USP31: variants seen among roughly 807,000 people sequenced by gnomAD.
USP31 encodes the protein ubiquitin carboxyl-terminal hydrolase 31.
In USP31, 44 loss-of-function variants were observed where a neutral mutation model predicts 119.4. The observed-to-expected ratio is 0.37, with a 90% confidence interval of 0.29 to 0.47. The LOEUF (loss-of-function observed/expected upper bound fraction) is 0.47, where lower values mean the gene tolerates loss of function less well. Ranked by LOEUF, USP31 falls within the 20% of genes least tolerant of loss-of-function variation. The probability of loss-of-function intolerance (pLI) is 0.99; values close to 1 mark genes in which losing one functional copy is unlikely to be tolerated. For synonymous variants in USP31, 749 were observed against 705.6 expected (o/e 1.06, Z -0.97); for missense variants, 1,643 against 1,730.2 (o/e 0.95, Z 0.89).
intron 11 of USP31, among the ~76,000 whole-genome samples, chr16:23,082,829 C>CTTTTTTTTTTTT (rs1388989158): frequency 4.9e-4 from 57 of 116,388 alleles, no homozygotes; most frequent in Middle Eastern, 9.2e-3. Context: ...TTCTTTCTCT[C>CTTTTTTTTTTTT]TCTTTTTTTT....
At position 23,067,332 on chromosome 16, in the gene USP31, T is replaced by C. The variant is rs1900113894; in HGVS notation, c.*714A>G. 6.6e-6 allele frequency: 1 copy of C among 152,640 alleles called. No homozygotes were observed. Among genetic ancestry groups the C allele is most frequent in the Non-Finnish European group, 1.5e-5 (1 of 68,024 alleles). 9.5% of individuals were successfully genotyped at this position (152,640 alleles called of 1,614,324 possible). A position where few individuals can be genotyped will look rare whatever the true frequency, so the allele number is the denominator to read the frequency against. On this transcript the variant is annotated 3_prime_UTR_variant, in exon 16 of 16. Transcript: ENST00000219689. ...GTTTTGGTGCACATGTCACCACAGATAGGAAGGTGGTGAAAGGCTTCATTT... is the reference window on the plus strand; with the variant it reads ...GTTTTGGTGCACATGTCACCACAGACAGGAAGGTGGTGAAAGGCTTCATTT...
Position 23,072,078 on chromosome 16 carries a change from C to A in USP31, c.2455G>T (p.Val819Leu), listed in dbSNP as rs1213968150. 6.2e-6 allele frequency: 10 copies of A among 1,613,616 alleles called. No homozygotes were observed. The highest frequency in any genetic ancestry group is 1.7e-6 in the Non-Finnish European group (2 of 1,179,888). ...TCACTCCTTTCTCCAGTCATCTCCACGGACTCAGAGAGCGACGCCAGGGAG... is the reference window on the plus strand; with the variant it reads ...TCACTCCTTTCTCCAGTCATCTCCAAGGACTCAGAGAGCGACGCCAGGGAG... ...RTSLASLSES[V>L]EMTGERSEDD... Residue 819 changes from valine (V) to leucine (L), a missense_variant, in exon 15 of 16, where the codon GTG becomes TTG. By Grantham distance (32) the Val-to-Leu change is conservative. Transcript: ENST00000219689.
Position 23,087,156 on chromosome 16 carries a change from C to T in USP31, c.1558G>A (p.Val520Ile), listed in dbSNP as rs1901147653. Residue 520 changes from valine to isoleucine, a missense_variant, in exon 9 of 16, where the codon GTT (valine) becomes ATT (isoleucine). Coordinates refer to ENST00000219689, the MANE Select transcript of USP31 (RefSeq NM_020718.4). The part of the protein sequence containing the change: ...VCPFSLRVVS[V>I]VGITYLLPQE... Reference sequence around the variant, plus strand: ...GGCAGCAAATATGTTATTCCAACAACACTGACCACACGCAAGCTGAATGGA... The same window carrying T: ...GGCAGCAAATATGTTATTCCAACAATACTGACCACACGCAAGCTGAATGGA... 6.2e-7 allele frequency: 1 copy of T among 1,613,788 alleles called. No individual in the cohort carries two copies. The highest frequency in any genetic ancestry group is 1.3e-5 in the African/African-American group (1 of 75,024).
intron 15 of USP31, among the ~76,000 whole-genome samples, chr16:23,071,485 A>G (rs1417346868): frequency 1.3e-5 from 2 of 152,300 alleles, no homozygotes; most frequent in African/African-American, 4.8e-5. Flanking sequence ...AAAAAAAAAA[A>G]AAGAGTTCAA....
intron 15 of USP31, among the ~76,000 whole-genome samples, chr16:23,071,649 C>CTTG (rs1185579468): frequency 1.3e-5 from 2 of 152,074 alleles, no homozygotes; most frequent in African/African-American, 4.8e-5. Context: ...CCAGGGGCCT[C>CTTG]CATGCCAAGC....
chr16:23,102,627 G>A (rs747618021), intron 5 of USP31, among the ~76,000 whole-genome samples, 164 bp from the exon 6 acceptor site: 16 of 152,252 alleles, frequency 1.1e-4, no homozygotes, highest in South Asian at 4.1e-4. Flanking sequence ...TGGAAGCACA[G>A]TACCCTCTGT....
chr16:23,105,602 T>C, intron 4 of USP31, 26 bp from the exon 5 acceptor site: 1 of 1,512,962 alleles, frequency 6.6e-7, no homozygotes, highest in Non-Finnish European at 8.9e-7. Flanking sequence ...TCAGATCTTC[T>C]CATTAGTCAC....
At chr16:23,105,070 G>A (rs1049602019) in intron 5 of USP31, among the ~76,000 whole-genome samples, 3 of 152,254 alleles carry the variant, frequency 2.0e-5, no homozygotes, top group South Asian at 2.1e-4. Context: ...GTTTTCTAGC[G>A]TCACTGCTCA....
At position 23,086,450 on chromosome 16, in the gene USP31, G is replaced by C. The variant is rs1448390031; in HGVS notation, c.1622+642C>G. 3.9e-5 allele frequency among the ~76,000 whole-genome samples: 6 copies of C among 152,034 alleles called. 1 individual carries two copies. Among genetic ancestry groups the C allele is most frequent in the Non-Finnish European group, 7.4e-5 (5 of 68,024 alleles). ...ATTAATACAATAGAGTATTATAACA[G>C]ATTTAGACAGCACAGAGGTAGCAGA... is the stretch of plus-strand genomic sequence containing the variant. On this transcript the variant is annotated intron_variant, in intron 9 of 15. Transcript: ENST00000219689.
chr16:23,106,074 G>A, intron 4 of USP31, 139 bp downstream of exon 4: 1 of 976,244 alleles, frequency 1.0e-6, no homozygotes, highest in South Asian at 1.7e-5. Flanking sequence ...TTCTTGTAAG[G>A]TTGTAGCAAT....
At position 23,093,818 on chromosome 16, in the gene USP31, T is replaced by A. The variant is rs1406751777; in HGVS notation, c.1235-3014A>T. Among the ~76,000 whole-genome samples, 4 of 152,204 alleles carry A rather than the reference T, an allele frequency of 2.6e-5. No individual in the cohort carries two copies. The South Asian group carries it at 8.3e-4, about 31-fold the overall frequency. ...AGATTAGTGGATAAACAAAATGTGG[T>A]ACATGCATATGTATGTATGGAATAC... On this transcript the variant is annotated intron_variant, in intron 6 of 15. Transcript: ENST00000219689.
chr16:23,130,410 A>ACC (rs10709257), intron 1 of USP31, among the ~76,000 whole-genome samples: 61 of 144,342 alleles, frequency 4.2e-4, no homozygotes, highest in African/African-American at 1.5e-3. Context: ...ACAAAGTGAC[A>ACC]CCCCCCCCCC....
Position 23,084,950 on chromosome 16 carries a change from T to G in USP31, c.1740A>C (p.Ala580=). 6.2e-7 allele frequency: 1 copy of G among 1,614,130 alleles called. No homozygotes were observed. Among genetic ancestry groups the G allele is most frequent in the Non-Finnish European group, 8.5e-7 (1 of 1,180,022 alleles). The change falls in exon 11 of 16, where the codon GCA becomes GCC. Residue 580 remains alanine, a synonymous_variant. Coordinates refer to ENST00000219689, the MANE Select transcript of USP31 (RefSeq NM_020718.4). ...VNTEDEYIPD[A]ESVRLQRERH... Reference sequence around the variant, plus strand: ...GCTCCCTTTGCAGACGAACACTTTCTGCATCAGGAATATACTCATCCTCAG... The same window carrying G: ...GCTCCCTTTGCAGACGAACACTTTCGGCATCAGGAATATACTCATCCTCAG...
At chr16:23,072,813 T>C (rs1900400970) in intron 14 of USP31, among the ~76,000 whole-genome samples, 3 of 152,044 alleles carry the variant, frequency 2.0e-5, no homozygotes, top group Non-Finnish European at 4.4e-5. Context: ...CAAGAAGGTG[T>C]CATTTCTGAG....
At chr16:23,071,029 T>G (rs1245444607) in intron 15 of USP31, among the ~76,000 whole-genome samples, 1 of 152,152 alleles carries the variant, frequency 6.6e-6, no homozygotes, top group East Asian at 1.9e-4. Flanking sequence ...GTACTGAAAA[T>G]AACCTCTGCC....
chr16:23,128,018 G>C (rs528863843), intron 1 of USP31, among the ~76,000 whole-genome samples: 1 of 152,140 alleles, frequency 6.6e-6, no homozygotes, highest in Non-Finnish European at 1.5e-5. Flanking sequence ...GAGAATTTAC[G>C]CTGGTGTTAC....
At chr16:23,109,881 A>C (rs1902249804) in intron 1 of USP31, among the ~76,000 whole-genome samples, 1 of 138,016 alleles carries the variant, frequency 7.2e-6, no homozygotes, top group Non-Finnish European at 1.6e-5. Context: ...TACTTCTCAA[A>C]ACTATCAAGG....
intron 11 of USP31, among the ~76,000 whole-genome samples, chr16:23,084,350 A>G (rs1334449082): frequency 2.0e-5 from 3 of 152,196 alleles, no homozygotes; most frequent in Non-Finnish European, 2.9e-5. Flanking sequence ...TTTCTGGTCT[A>G]TATCTACGCT....
chr16:23,108,363 AG>A (rs1350360585), intron 1 of USP31, among the ~76,000 whole-genome samples, 180 bp from the exon 2 acceptor site: 2 of 152,252 alleles, frequency 1.3e-5, no homozygotes, highest in African/African-American at 4.8e-5. Flanking sequence ...AACATGTACC[AG>A]AACCCTTAAA....
Sources: gnomAD v4.1 joint callset for allele counts (sites outside exome capture counted in the v4.1 genomes callset) on GRCh38, gnomAD v4.1.1 for gene constraint, MANE v1.5 for transcripts, NCBI Gene and HGNC (gene_info 2026-07-23, HGNC 2026-07-21) for gene names.